Variants in ABCD4 observed in about 807,000 individuals in gnomAD.
ABCD4 encodes lysosomal cobalamin transporter ABCD4.
In ABCD4, 53 loss-of-function variants were observed where a neutral mutation model predicts 86.3. That is an observed-to-expected ratio of 0.61 (90% CI 0.49 to 0.77). ABCD4 has a LOEUF of 0.77. Among genes scored for constraint, ABCD4 ranks in the 30% least tolerant of loss-of-function variants. ABCD4 has a pLI of 0.00. For missense variants in ABCD4, 757 were observed against 764.5 expected (o/e 0.99, Z 0.12); for synonymous variants, 328 against 313.6 (o/e 1.05, Z -0.49).
At chr14:74,291,300 C>G (rs1242937060) in intron 11 of ABCD4, among the ~76,000 whole-genome samples, 1 of 152,244 alleles carries the variant, frequency 6.6e-6, no homozygotes, top group East Asian at 1.9e-4. Context: ...CTTCTACTCT[C>G]TGCCTGGCTG....
rs562180563 is a variant in ABCD4, at chr14:74,288,247, C to T, written c.1519G>A (p.Ala507Thr). 3.2e-5 allele frequency: 52 copies of T among 1,609,630 alleles called. No homozygotes were observed. In the South Asian group the frequency reaches 5.4e-4, roughly 17 times the overall value. Residue 507 changes from alanine to threonine, a missense_variant, in exon 16 of 19, where the codon GCA (alanine) becomes ACA (threonine). Transcript: ENST00000356924. The part of the protein sequence containing the change: ...LELAGLSNLV[A>T]RTEGLDQQVD... ...TGCTGGTCCAGGCCCTCTGTCCTTG[C>T]CACCAAGTTGGACTGTAACAGACCC...
chr14:74,295,283 C>CA (rs2082566275), intron 6 of ABCD4, 85 bp from the exon 7 acceptor site: 3 of 1,516,132 alleles, frequency 2.0e-6, no homozygotes, highest in Middle Eastern at 1.7e-4. Flanking sequence ...AAAGACCGCC[C>CA]AAGCGGAGCC....
intron 14 of ABCD4, chr14:74,289,114 A>G: frequency 5.0e-6 from 1 of 200,186 alleles, no homozygotes; most frequent in Non-Finnish European, 5.9e-6. Flanking sequence ...TCCATCTCAA[A>G]AAAAAAAAAA....
chr14:74,296,183 A>C, intron 5 of ABCD4, 150 bp downstream of exon 5: 1 of 1,089,496 alleles, frequency 9.2e-7, no homozygotes, highest in Non-Finnish European at 1.4e-6. Flanking sequence ...GGCCAAAGGA[A>C]GGGCAGGGGC....
Position 74,286,325 on chromosome 14 carries a change from C to T in ABCD4, c.*136G>A, listed in dbSNP as rs1282913686. On this transcript the variant is annotated 3_prime_UTR_variant, in exon 19 of 19. Transcript: ENST00000356924. The stretch of plus-strand genomic sequence containing the variant: ...GCTCAGCCCACCACTGCTAGGGGTC[C>T]TGCACAGGACCCATGTGGCTCCTGC... 1 of 890,782 alleles carries T rather than the reference C, an allele frequency of 1.1e-6. No individual in the cohort carries two copies. Among genetic ancestry groups the T allele is most frequent in the East Asian group, 2.4e-5 (1 of 41,222 alleles). The allele number at this position is 890,782 out of a possible 1,614,324, so 55.2% of individuals were successfully genotyped here.
At position 74,289,987 on chromosome 14, in the gene ABCD4, G is replaced by T. The variant is rs774066170; in HGVS notation, c.1419+40C>A. On this transcript the variant is annotated intron_variant, in intron 13 of 18. Coordinates refer to ENST00000356924, the MANE Select transcript of ABCD4 (RefSeq NM_005050.4). Reference sequence around the variant, plus strand: ...AGAGGTCCCAGCTGTGGGTGGGCGGGGTTGAGGAGGGAGGAGTGAGCCCCC... The same window carrying T: ...AGAGGTCCCAGCTGTGGGTGGGCGGTGTTGAGGAGGGAGGAGTGAGCCCCC... 6.2e-6 allele frequency: 10 copies of T among 1,613,606 alleles called. No homozygotes were observed. The South Asian group carries it at 1.1e-4, about 18-fold the overall frequency.
intron 3 of ABCD4, 36 bp from the exon 4 acceptor site, chr14:74,298,105 G>A (rs2083349902): frequency 3.1e-6 from 5 of 1,605,304 alleles, no homozygotes; most frequent in Non-Finnish European, 4.2e-6. Flanking sequence ...AGGGAGAGAT[G>A]GCTTCCTGAA....
Position 74,300,133 on chromosome 14 carries a change from T to TG in ABCD4, c.157+16dup. ...CAGAGCTCCCCTCCCTCCTCTAGTC[T>TG]GGGCTCACTCACTCACCCAGTAGGG... On this transcript the variant is annotated intron_variant, in intron 2 of 18. Coordinates refer to ENST00000356924, the MANE Select transcript of ABCD4 (RefSeq NM_005050.4). 1 of 1,494,716 alleles carries TG rather than the reference T, an allele frequency of 6.7e-7. No homozygotes were observed. Among genetic ancestry groups the TG allele is most frequent in the Non-Finnish European group, 9.3e-7 (1 of 1,075,518 alleles). 92.6% of individuals were successfully genotyped at this position (1,494,716 alleles called of 1,614,324 possible).
At chr14:74,289,395 C>A in intron 14 of ABCD4, 88 bp downstream of exon 14, 1 of 1,570,932 alleles carries the variant, frequency 6.4e-7, no homozygotes, top group East Asian at 2.3e-5. Context: ...GGAGCCTCTC[C>A]CCAAGGGCAC....
chr14:74,286,729 CTGA>C lies in ABCD4; in HGVS notation c.1721_1723del (p.Ile574del). The C allele has an allele frequency of 6.2e-7, 1 of 1,614,186 alleles. No individual in the cohort carries two copies. Among genetic ancestry groups the C allele is most frequent in the Non-Finnish European group, 8.5e-7 (1 of 1,180,052 alleles). On this transcript the variant is annotated inframe_deletion, in exon 18 of 19. Coordinates refer to ENST00000356924, the MANE Select transcript of ABCD4 (RefSeq NM_005050.4). The stretch of plus-strand genomic sequence containing the variant: ...CTCAAGGCTCTGCCGATGTCCCACA[CTGA>C]TGAACGTCATCCCCAGCTGCTGGCC...
intron 18 of ABCD4, 38 bp downstream of exon 18, chr14:74,286,663 C>A (rs200735116): frequency 2.5e-6 from 4 of 1,613,496 alleles, no homozygotes; most frequent in Non-Finnish European, 3.4e-6. Context: ...CCTTTGGGTT[C>A]TTTCTCCTCC....
intron 8 of ABCD4, 70 bp downstream of exon 8, chr14:74,293,084 G>C: frequency 6.6e-7 from 1 of 1,519,064 alleles, no homozygotes; most frequent in East Asian, 2.3e-5. Context: ...ACAGGAGGTA[G>C]AGAGGTGTGG....
In ABCD4 at chr14:74,299,825, G is replaced by A. The variant is rs559431011; in HGVS notation, c.158-150C>T. 1.9e-4 allele frequency: 133 copies of A among 705,506 alleles called. No homozygotes were observed. In the African/African-American group the frequency reaches 1.9e-3, roughly 10 times the overall value. The allele number at this position is 705,506 out of a possible 1,614,324, so 43.7% of individuals were successfully genotyped here. A position where few individuals can be genotyped will look rare whatever the true frequency, so the allele number is the denominator to read the frequency against. ...GCCTGTAATCCCAGCACTTTGGGAG[G>A]CTGAGGCGGGTGTATCACCTGAGGT... is the stretch of plus-strand genomic sequence containing the variant. On this transcript the variant is annotated intron_variant, in intron 2 of 18. Transcript: ENST00000356924.
At position 74,299,570 on chromosome 14, in the gene ABCD4, A is replaced by C. The variant is rs1251511155; in HGVS notation, c.263T>G (p.Met88Arg). 4 of 1,613,804 alleles carry C rather than the reference A, an allele frequency of 2.5e-6. No homozygotes were observed. The highest frequency in any genetic ancestry group is 3.4e-6 in the Non-Finnish European group (4 of 1,179,880). Reference protein sequence around the residue: ...GFKTLTFLAVMLIVLNSTLKS... With the variant: ...GFKTLTFLAVRLIVLNSTLKS... ...TACCGTGGAGTTCAGAACAATGAGCATGACAGCCAGGAATGTCAGAGTCTT... is the reference window on the plus strand; with the variant it reads ...TACCGTGGAGTTCAGAACAATGAGCCTGACAGCCAGGAATGTCAGAGTCTT... Residue 88 changes from methionine to arginine, a missense_variant, in exon 3 of 19, where the codon ATG (methionine) becomes AGG (arginine). Coordinates refer to ENST00000356924, the MANE Select transcript of ABCD4 (RefSeq NM_005050.4).
chr14:74,298,880 G>A (rs2083561068), intron 3 of ABCD4, among the ~76,000 whole-genome samples: 1 of 152,290 alleles, frequency 6.6e-6, no homozygotes, highest in East Asian at 1.9e-4. Flanking sequence ...CCATTTCCAG[G>A]GCACCTATGT....
chr14:74,285,359 G>T lies in ABCD4; in HGVS notation c.*1102C>A, dbSNP rs2079552566. On this transcript the variant is annotated 3_prime_UTR_variant, in exon 19 of 19. Coordinates refer to ENST00000356924, the MANE Select transcript of ABCD4 (RefSeq NM_005050.4). ...TCCTCACCTCTCTTTTTTACAAAAT[G>T]AACAAGCCTCAGGCCCAGAGTCTAT... is the stretch of plus-strand genomic sequence containing the variant. The T allele has an allele frequency of 6.6e-6, 1 of 152,134 alleles. No homozygotes were observed. The highest frequency in any genetic ancestry group is 6.6e-5 in the Admixed American group (1 of 15,264). 9.4% of individuals were successfully genotyped at this position (152,134 alleles called of 1,614,324 possible).
chr14:74,296,194 CTGAGCACGTGGGATGGG>C, intron 5 of ABCD4, 122 bp downstream of exon 5: 2 of 1,116,176 alleles, frequency 1.8e-6, no homozygotes, highest in South Asian at 1.4e-5. Flanking sequence ...GGGCAGGGGC[CTGAGCACGTGGGATGGG>C]TGAGCACGTG....
chr14:74,288,471 G>T, intron 15 of ABCD4: 1 of 650,728 alleles, frequency 1.5e-6, no homozygotes, highest in Non-Finnish European at 2.6e-6. Flanking sequence ...GCTGGAGCAT[G>T]ATGACAGTAA....
rs2083330910 is a variant in ABCD4 at position 74,298,062 on chromosome 14, C to T, written c.293G>A (p.Ser98Asn). 3 of 1,613,540 alleles carry T rather than the reference C, an allele frequency of 1.9e-6. No homozygotes were observed. The South Asian group carries it at 3.3e-5, about 18-fold the overall frequency. The change falls in exon 4 of 19, where the codon AGC becomes AAC. Residue 98 changes from serine (S) to asparagine (N), a missense_variant. By Grantham distance (46) the Ser-to-Asn change is conservative. Transcript: ENST00000356924. ...MLIVLNSTLK[S>N]FDQFTCNLLY... ...CAGGTTGCAGGTGAACTGATCAAAG[C>T]TCTTCAGCTGTGCAGTGGGGGAAGC...
Sources: gnomAD v4.1 joint callset for allele counts (sites outside exome capture counted in the v4.1 genomes callset) on GRCh38, gnomAD v4.1.1 for gene constraint, MANE v1.5 for transcripts, NCBI Gene and HGNC (gene_info 2026-07-23, HGNC 2026-07-21) for gene names.